The following RASSF5 variants were observed in gnomAD, a reference collection of about 807,000 sequenced individuals.
The protein encoded by RASSF5 is ras association domain-containing protein 5.
RASSF5 carries 25 observed loss-of-function variants against 40.5 expected under a neutral mutation model. That is an observed-to-expected ratio of 0.62 (90% confidence interval 0.45 to 0.86). The LOEUF is 0.86. Among genes scored for constraint, RASSF5 ranks in the 40% least tolerant of loss-of-function variants. RASSF5 has a pLI of 0.00. For missense variants in RASSF5, 521 were observed against 572.8 expected, an observed-to-expected ratio of 0.91 and a Z score of 0.92; for synonymous variants, 246 against 252.4, an observed-to-expected ratio of 0.97 and a Z score of 0.24.
At position 206,507,936 on chromosome 1, in the gene RASSF5, G is replaced by C; in HGVS notation, c.334G>C (p.Asp112His). ...DVRSIFEQPQ[D>H]PRVPAERGEG... ...GCGGAGCATCTTCGAGCAGCCGCAG[G>C]ATCCCAGAGTCCCGGCGGAGCGAGG... The change falls in exon 1 of 6, where the codon GAT becomes CAT. Residue 112 changes from aspartate to histidine, a missense_variant. By Grantham distance (81) the Asp-to-His change is moderately conservative. Coordinates refer to ENST00000579436, the MANE Select transcript of RASSF5 (RefSeq NM_182663.4). 1 of 1,523,116 alleles carries C rather than the reference G, an allele frequency of 6.6e-7. No homozygotes were observed. Among genetic ancestry groups the C allele is most frequent in the South Asian group, 1.2e-5 (1 of 81,780 alleles). The allele number at this position is 1,523,116 out of a possible 1,614,324, so 94.4% of individuals were successfully genotyped here.
intron 1 of RASSF5, among the ~76,000 whole-genome samples, chr1:206,511,326 C>T (rs1041872242): frequency 2.6e-5 from 4 of 152,172 alleles, no homozygotes; most frequent in African/African-American, 9.7e-5. Context: ...ACTGGCTGCC[C>T]TTTGGCTTTA....
intron 2 of RASSF5, among the ~76,000 whole-genome samples, chr1:206,546,395 G>C (rs1276023456): frequency 1.3e-5 from 2 of 152,044 alleles, no homozygotes; most frequent in Non-Finnish European, 2.9e-5. Context: ...ATGGGTATGA[G>C]CTACCGCACC....
At chr1:206,564,662 T>A (rs1668236456) in intron 2 of RASSF5, among the ~76,000 whole-genome samples, 2 of 152,186 alleles carry the variant, frequency 1.3e-5, no homozygotes, top group Non-Finnish European at 2.9e-5. Flanking sequence ...CCTGTGTATC[T>A]TCTGGCTTTG....
chr1:206,559,012 C>G (rs1553402231), intron 2 of RASSF5, among the ~76,000 whole-genome samples: 1 of 152,178 alleles, frequency 6.6e-6, no homozygotes, highest in Non-Finnish European at 1.5e-5. Flanking sequence ...GGTATTTAGA[C>G]CAGTGGTTAT....
intron 1 of RASSF5, among the ~76,000 whole-genome samples, chr1:206,517,994 A>T (rs1397983682): frequency 6.6e-6 from 1 of 152,060 alleles, no homozygotes; most frequent in Non-Finnish European, 1.5e-5. Flanking sequence ...AAAGAAATCC[A>T]TTAACGAGCT....
rs782536953 is a variant in RASSF5 at position 206,583,386 on chromosome 1, GC to G, written c.690+10del. On this transcript the variant is annotated splice_region_variant and intron_variant, in intron 3 of 5. Coordinates refer to ENST00000579436, the MANE Select transcript of RASSF5 (RefSeq NM_182663.4). ...CTGCCTGGGCATGAAACTGGTAAGC[GC>G]CCGTCCACCCTCAACCTGGCCCCTG... is the stretch of plus-strand genomic sequence containing the variant. 6.3e-7 allele frequency: 1 copy of G among 1,594,936 alleles called. No homozygotes were observed. The highest frequency in any genetic ancestry group is 1.7e-5 in the Admixed American group (1 of 59,982).
At chr1:206,515,666 A>G (rs1249469845) in intron 1 of RASSF5, among the ~76,000 whole-genome samples, 1 of 152,192 alleles carries the variant, frequency 6.6e-6, no homozygotes, top group Admixed American at 6.5e-5. Flanking sequence ...CCCCATGAGA[A>G]AAAATACATC....
At position 206,513,421 on chromosome 1, in the gene RASSF5, C is replaced by T. The variant is rs1666668831; in HGVS notation, c.457+5362C>T. Among the ~76,000 whole-genome samples the T allele has an allele frequency of 6.6e-6, 1 of 152,158 alleles. No homozygotes were observed. Among genetic ancestry groups the T allele is most frequent in the African/African-American group, 2.4e-5 (1 of 41,398 alleles). On this transcript the variant is annotated intron_variant, in intron 1 of 5. Coordinates refer to ENST00000579436, the MANE Select transcript of RASSF5 (RefSeq NM_182663.4). This position sits in a 1 kb window ranked among gnomAD's most constrained non-coding sequence, Gnocchi z 5.0. ...GGGTGTGCAAAGCATGCAAGCTCCC[C>T]ACCCCCAGCCCTTCTGAGGGAACCA... is the stretch of plus-strand genomic sequence containing the variant.
At position 206,587,008 on chromosome 1, in the gene RASSF5, T is replaced by C; in HGVS notation, c.*30T>C. 3.1e-6 allele frequency: 5 copies of C among 1,612,696 alleles called. No homozygotes were observed. Among genetic ancestry groups the C allele is most frequent in the Non-Finnish European group, 4.2e-6 (5 of 1,179,138 alleles). On this transcript the variant is annotated 3_prime_UTR_variant, in exon 6 of 6. Transcript: ENST00000579436. ...TCCTGCTTCCTCTCCTCCTGGTGCA[T>C]TCAGATTTATTTGTATTATTAATTA...
chr1:206,578,233 A>AGTGTGTGTGTGT (rs58059864), intron 2 of RASSF5, among the ~76,000 whole-genome samples: 52 of 117,580 alleles, frequency 4.4e-4, no homozygotes, highest in East Asian at 2.0e-3. Context: ...AAAAAAAAAA[A>AGTGTGTGTGTGT]GTGTGTGTGT....
chr1:206,551,848 T>G (rs1439989994), intron 2 of RASSF5, among the ~76,000 whole-genome samples: 1 of 152,240 alleles, frequency 6.6e-6, no homozygotes, highest in African/African-American at 2.4e-5. Flanking sequence ...CAATAGTTGT[T>G]CACATCTCAC....
rs1042195099 is a variant in RASSF5 at position 206,543,952 on chromosome 1, C to T, written c.579+5659C>T. The T allele has an allele frequency of 4.6e-5, 7 of 152,136 alleles. 1 individual carries two copies. The highest frequency in any genetic ancestry group is 1.0e-4 in the Non-Finnish European group (7 of 68,054). 9.4% of individuals were successfully genotyped at this position (152,136 alleles called of 1,614,324 possible). Reference sequence around the variant, plus strand: ...TATTTTAAGTAGACACAGGGTTTCACCATGTTGGCCAGGCTGGTATTGATC... The same window carrying T: ...TATTTTAAGTAGACACAGGGTTTCATCATGTTGGCCAGGCTGGTATTGATC... On this transcript the variant is annotated intron_variant, in intron 2 of 5. Coordinates refer to ENST00000579436, the MANE Select transcript of RASSF5 (RefSeq NM_182663.4).
rs1335022536 is a variant in RASSF5, at chr1:206,560,789, A to G, written c.580-22480A>G. On this transcript the variant is annotated intron_variant, in intron 2 of 5. Coordinates refer to ENST00000579436, the MANE Select transcript of RASSF5 (RefSeq NM_182663.4). The surrounding 1 kb of genome is among the most constrained non-coding windows in gnomAD (Gnocchi z 5.1). Reference sequence around the variant, plus strand: ...AGGTCACAAGACAAGGTTTTGATGGACCCAAGGTTAGAACTTCCCTCTTTT... The same window carrying G: ...AGGTCACAAGACAAGGTTTTGATGGGCCCAAGGTTAGAACTTCCCTCTTTT... Among the ~76,000 whole-genome samples, 2 of 152,186 alleles carry G rather than the reference A, an allele frequency of 1.3e-5. No homozygotes were observed. The highest frequency in any genetic ancestry group is 2.9e-5 in the Non-Finnish European group (2 of 68,028).
intron 2 of RASSF5, among the ~76,000 whole-genome samples, chr1:206,539,869 G>A (rs529816861): frequency 6.6e-6 from 1 of 152,256 alleles, no homozygotes; most frequent in African/African-American, 2.4e-5. Flanking sequence ...AACCTTTTCT[G>A]GTCTCAATTT....
At chr1:206,557,720 C>A (rs782515055) in intron 2 of RASSF5, 2 of 1,611,702 alleles carry the variant, frequency 1.2e-6, no homozygotes, top group Non-Finnish European at 1.7e-6. Context: ...AATGCAGGAG[C>A]CTTTCGTGGG....
At chr1:206,570,005 T>C (rs2103550555) in intron 2 of RASSF5, among the ~76,000 whole-genome samples, 1 of 151,840 alleles carries the variant, frequency 6.6e-6, no homozygotes, top group Admixed American at 6.6e-5. Flanking sequence ...AACCAGCCAG[T>C]GACATGGCCT....
At chr1:206,581,672 G>GGAAGGAAAGAAA (rs1553406366) in intron 2 of RASSF5, among the ~76,000 whole-genome samples, 1 of 151,288 alleles carries the variant, frequency 6.6e-6, no homozygotes, top group African/African-American at 2.4e-5. Context: ...AAGGAAGGAA[G>GGAAGGAAAGAAA]GAAAGAAAGA....
intron 1 of RASSF5, among the ~76,000 whole-genome samples, chr1:206,516,121 C>A (rs1257795625): frequency 2.8e-4 from 43 of 152,210 alleles, no homozygotes; most frequent in African/African-American, 9.9e-4. Flanking sequence ...TATGCTGGGC[C>A]ATGGCTGAAC....
At chr1:206,574,396 T>C (rs1198314026) in intron 2 of RASSF5, among the ~76,000 whole-genome samples, 1 of 152,228 alleles carries the variant, frequency 6.6e-6, no homozygotes, top group East Asian at 1.9e-4. Flanking sequence ...AAGGTGCCTT[T>C]CACGATCCTC....
Sources: gnomAD v4.1 joint callset for allele counts (sites outside exome capture counted in the v4.1 genomes callset) on GRCh38, gnomAD v4.1.1 for gene constraint, Gnocchi (gnomAD v3.1) non-coding constraint, MANE v1.5 for transcripts, NCBI Gene and HGNC (gene_info 2026-07-23, HGNC 2026-07-21) for gene names.